CDYL: variants seen among roughly 807,000 people sequenced by gnomAD.
The protein encoded by CDYL is chromodomain Y like, also known as chromodomain Y-like protein.
A neutral mutation model predicts 47.3 loss-of-function variants in CDYL; 8 were observed. That is an observed-to-expected ratio of 0.17 (90% CI 0.10 to 0.31). CDYL has a LOEUF of 0.31. Among genes scored for constraint, CDYL ranks in the 10% least tolerant of loss-of-function variants. The pLI is 1.00. For synonymous variants in CDYL, 266 were observed against 265.0 expected, an observed-to-expected ratio of 1.00 and a Z score of -0.04; for missense variants, 471 against 701.4, an observed-to-expected ratio of 0.67 and a Z score of 3.71.
chr6:4,884,761 A>G (rs976219500), intron 1 of CDYL, among the ~76,000 whole-genome samples: 3 of 152,164 alleles, frequency 2.0e-5, no homozygotes, highest in Non-Finnish European at 4.4e-5. Flanking sequence ...CTTTCTTGTA[A>G]TGTAACCTAT....
chr6:4,719,971 G>T (rs780888499), intron 2 of CDYL, among the ~76,000 whole-genome samples: 1 of 152,120 alleles, frequency 6.6e-6, no homozygotes, highest in East Asian at 1.9e-4. Flanking sequence ...ATTTCTCTCC[G>T]TAGTCCATTT....
chr6:4,859,025 G>A (rs960937977), intron 1 of CDYL, among the ~76,000 whole-genome samples: 12 of 152,188 alleles, frequency 7.9e-5, no homozygotes, highest in Non-Finnish European at 1.2e-4. Flanking sequence ...GAGAGTATAC[G>A]TGCTTTTAGA....
chr6:4,719,577 T>G (rs1757331909), intron 2 of CDYL, among the ~76,000 whole-genome samples: 2 of 152,162 alleles, frequency 1.3e-5, no homozygotes, highest in African/African-American at 2.4e-5. Flanking sequence ...TTATTACTCA[T>G]TTTCATGAAG....
chr6:4,868,655 G>C (rs1022658050), intron 1 of CDYL, among the ~76,000 whole-genome samples: 1 of 152,130 alleles, frequency 6.6e-6, no homozygotes, highest in Non-Finnish European at 1.5e-5. Flanking sequence ...TGAGTTGGTT[G>C]ACAGTGTTCA....
At chr6:4,928,977 A>G (rs1337230510) in intron 2 of CDYL, among the ~76,000 whole-genome samples, 1 of 152,106 alleles carries the variant, frequency 6.6e-6, no homozygotes, top group African/African-American at 2.4e-5. Flanking sequence ...AGTTAATTAC[A>G]CTTAATATGC....
chr6:4,740,938 C>T (rs965880142), intron 3 of CDYL, among the ~76,000 whole-genome samples: 3 of 152,056 alleles, frequency 2.0e-5, no homozygotes, highest in African/African-American at 4.8e-5. Context: ...AGGCATGTGC[C>T]ACCGTGCCTG....
intron 1 of CDYL, among the ~76,000 whole-genome samples, chr6:4,781,433 T>TAA: frequency 6.6e-6 from 1 of 152,292 alleles, no homozygotes; most frequent in East Asian, 1.9e-4. Flanking sequence ...TCACCAAAAT[T>TAA]AGTAAAGAAA....
At chr6:4,776,278 C>T (rs1275727971), upstream of CDYL, among the ~76,000 whole-genome samples, 2 of 145,020 alleles carry the variant, frequency 1.4e-5, no homozygotes, top group East Asian at 4.0e-4. Flanking sequence ...CTCCCCTCGG[C>T]TGCCCCGCCC....
chr6:4,823,030 G>A (rs572527300), intron 1 of CDYL, among the ~76,000 whole-genome samples: 158 of 152,278 alleles, frequency 1.0e-3, no homozygotes, highest in Non-Finnish European at 2.0e-3. Flanking sequence ...GTAAGAAGTC[G>A]ACACCACCTA....
At chr6:4,874,548 G>A (rs765173738) in intron 1 of CDYL, among the ~76,000 whole-genome samples, 2 of 152,166 alleles carry the variant, frequency 1.3e-5, no homozygotes, top group African/African-American at 2.4e-5. Flanking sequence ...CAGACTAAGC[G>A]CTGCCTAGCC....
intron 1 of CDYL, among the ~76,000 whole-genome samples, chr6:4,819,734 AC>A (rs1268487472): frequency 6.6e-6 from 1 of 152,126 alleles, no homozygotes; most frequent in Non-Finnish European, 1.5e-5. Context: ...CCCTCAAGGG[AC>A]ATTTGGCAAT....
intron 1 of CDYL, among the ~76,000 whole-genome samples, chr6:4,863,904 G>A (rs1761245675): frequency 6.6e-6 from 1 of 152,218 alleles, no homozygotes; most frequent in African/African-American, 2.4e-5. Context: ...GGAGACGAGA[G>A]AGGCCCTGAT....
chr6:4,937,918 A>G (rs537113031), intron 4 of CDYL, among the ~76,000 whole-genome samples, 181 bp downstream of exon 4: 3 of 152,320 alleles, frequency 2.0e-5, no homozygotes, highest in South Asian at 4.1e-4. Flanking sequence ...ATAAATTACT[A>G]CTTGCCTTGG....
chr6:4,734,195 G>T (rs1024852240), intron 2 of CDYL, among the ~76,000 whole-genome samples: 1 of 152,186 alleles, frequency 6.6e-6, no homozygotes, highest in Non-Finnish European at 1.5e-5. Context: ...AAGGACTAGG[G>T]GAAAGGTGCC....
At chr6:4,781,239 TAA>T (rs1373927624) in intron 1 of CDYL, among the ~76,000 whole-genome samples, 4 of 152,236 alleles carry the variant, frequency 2.6e-5, no homozygotes, top group African/African-American at 9.6e-5. Flanking sequence ...TACTTTGCGA[TAA>T]GATTCCTGCT....
chr6:4,767,127 T>C (rs1441999892), intron 3 of CDYL, among the ~76,000 whole-genome samples: 1 of 152,186 alleles, frequency 6.6e-6, no homozygotes, highest in African/African-American at 2.4e-5. Flanking sequence ...GCATAAAAAC[T>C]TTATTTGGTT....
At chr6:4,937,516 T>G in intron 3 of CDYL, 49 bp from the exon 4 acceptor site, 2 of 1,176,616 alleles carry the variant, frequency 1.7e-6, no homozygotes, top group Non-Finnish European at 1.1e-6. Flanking sequence ...TGCTTTAAGA[T>G]TTTAAACCCA....
At chr6:4,788,451 C>T (rs940444027) in intron 1 of CDYL, among the ~76,000 whole-genome samples, 1 of 135,796 alleles carries the variant, frequency 7.4e-6, no homozygotes, top group Non-Finnish European at 1.5e-5. Flanking sequence ...TCACTGCACT[C>T]CAGCCTGGGT....
chr6:4,810,254 C>T (rs1759492063), intron 1 of CDYL, among the ~76,000 whole-genome samples: 1 of 152,146 alleles, frequency 6.6e-6, no homozygotes, highest in South Asian at 2.1e-4. Flanking sequence ...TCCTACTTCA[C>T]AAGATTTCAG....
Sources: gnomAD v4.1 joint callset for allele counts (sites outside exome capture counted in the v4.1 genomes callset) on GRCh38, gnomAD v4.1.1 for gene constraint, MANE v1.5 for transcripts, NCBI Gene and HGNC (gene_info 2026-07-23, HGNC 2026-07-21) for gene names.